UHRF2: variants seen among roughly 807,000 people sequenced by gnomAD.
UHRF2 encodes the protein ubiquitin like with PHD and ring finger domains 2, also known as E3 ubiquitin-protein ligase UHRF2.
A neutral mutation model predicts 96.8 loss-of-function variants in UHRF2; 23 were observed. That is an observed-to-expected ratio of 0.24 (90% CI 0.17 to 0.34). UHRF2 has a LOEUF of 0.34. Ranked by LOEUF, UHRF2 falls within the 10% of genes least tolerant of loss-of-function variation. The pLI is 1.00. For synonymous variants in UHRF2, 385 were observed against 332.6 expected, an observed-to-expected ratio of 1.16 and a Z score of -1.72; for missense variants, 685 against 981.5, an observed-to-expected ratio of 0.70 and a Z score of 4.04.
At chr9:6,468,737 G>T (rs1563781782) in intron 4 of UHRF2, 2 of 453,920 alleles carry the variant, frequency 4.4e-6, no homozygotes, top group Non-Finnish European at 8.9e-6. Context: ...AGTCTTAGAA[G>T]GCATACACTG....
chr9:6,437,458 C>T lies in UHRF2; in HGVS notation c.644+3285C>T, dbSNP rs367671582. On this transcript the variant is annotated intron_variant, in intron 3 of 15. Coordinates refer to ENST00000276893, the MANE Select transcript of UHRF2 (RefSeq NM_152896.3). ...GTGTTGGTCAGGCTGGTCTTGAACT[C>T]TGGACCTCAGGTGATCCACCTACCT... Among the ~76,000 whole-genome samples the T allele has an allele frequency of 7.8e-4, 118 of 152,198 alleles. 5 individuals carry two copies. In the South Asian group the frequency reaches 0.024, roughly 31 times the overall value.
At position 6,424,655 on chromosome 9, in the gene UHRF2, A is replaced by G. The variant is rs78892976; in HGVS notation, c.384+3513A>G. Among the ~76,000 whole-genome samples, 366 of 152,132 alleles carry G rather than the reference A, an allele frequency of 2.4e-3. 1 individual carries two copies. Among genetic ancestry groups the G allele is most frequent in the Middle Eastern group, 0.02 (6 of 294 alleles). ...TAGTGTGGTGTATTTGTTGAAATTA[A>G]TGACCCATATTTTCTTAGCTTTTAC... On this transcript the variant is annotated intron_variant, in intron 2 of 15. Coordinates refer to ENST00000276893, the MANE Select transcript of UHRF2 (RefSeq NM_152896.3).
At position 6,503,269 on chromosome 9, in the gene UHRF2, T is replaced by C. The variant is rs560174858; in HGVS notation, c.2164-1324T>C. 7.9e-4 allele frequency among the ~76,000 whole-genome samples: 121 copies of C among 152,366 alleles called. 2 individuals carry two copies. The South Asian group carries it at 0.025, about 32-fold the overall frequency. Reference sequence around the variant, plus strand: ...CCTCAGCCTCCCAGAGTACTGGGATTACATGTGTGAACCACCATGCTTGGC... The same window carrying C: ...CCTCAGCCTCCCAGAGTACTGGGATCACATGTGTGAACCACCATGCTTGGC... On this transcript the variant is annotated intron_variant, in intron 14 of 15. Coordinates refer to ENST00000276893, the MANE Select transcript of UHRF2 (RefSeq NM_152896.3).
intron 2 of UHRF2, among the ~76,000 whole-genome samples, chr9:6,425,509 C>A (rs541585911): frequency 5.9e-5 from 9 of 151,772 alleles, no homozygotes; most frequent in Non-Finnish European, 1.2e-4. Flanking sequence ...AATCCCAGCA[C>A]TTTGGGAGGC....
rs763144494 is a variant in UHRF2 at position 6,477,639 on chromosome 9, T to A, written c.991T>A (p.Cys331Ser). 1 of 1,612,160 alleles carries A rather than the reference T, an allele frequency of 6.2e-7. No individual in the cohort carries two copies. Among genetic ancestry groups the A allele is most frequent in the Non-Finnish European group, 8.5e-7 (1 of 1,179,138 alleles). The change falls in exon 6 of 16, where the codon TGT becomes AGT. Residue 331 changes from cysteine to serine, a missense_variant. Physicochemically the swap from Cys to Ser is moderately radical, Grantham distance 112. This residue lies in a region of UHRF2 where 391 missense variants were observed against 437.0 expected (regional missense o/e 0.89). Coordinates refer to ENST00000276893, the MANE Select transcript of UHRF2 (RefSeq NM_152896.3). ...GKFLRRNDPE[C>S]DLCGGDPEKK... The stretch of plus-strand genomic sequence containing the variant: ...CTTAATAGGGCGAAATGACCCTGAA[T>A]GTGACCTGTGTGGTGGAGACCCAGA...
intron 2 of UHRF2, among the ~76,000 whole-genome samples, chr9:6,427,319 C>T (rs1454541552): frequency 6.6e-6 from 1 of 152,092 alleles, no homozygotes; most frequent in Non-Finnish European, 1.5e-5. Flanking sequence ...TCATGATAAG[C>T]AGGTACAAAA....
intron 3 of UHRF2, chr9:6,434,374 T>A (rs1814966132): frequency 1.8e-6 from 1 of 559,812 alleles, no homozygotes; most frequent in African/African-American, 1.9e-5. Flanking sequence ...TTAAGTGGTT[T>A]ATTTTTTAGT....
chr9:6,426,999 C>G (rs974890655), intron 2 of UHRF2, among the ~76,000 whole-genome samples: 1 of 69,314 alleles, frequency 1.4e-5, no homozygotes, highest in Non-Finnish European at 4.1e-5. Flanking sequence ...TCACCTGCCT[C>G]GGCCTCCCAA....
intron 3 of UHRF2, among the ~76,000 whole-genome samples, chr9:6,435,870 A>C (rs1373762555): frequency 6.6e-6 from 1 of 152,176 alleles, no homozygotes; most frequent in Non-Finnish European, 1.5e-5. Context: ...TGGCCTCCCA[A>C]AATGCTGGGA....
At chr9:6,469,191 A>AT (rs1396822055) in intron 4 of UHRF2, among the ~76,000 whole-genome samples, 1 of 152,214 alleles carries the variant, frequency 6.6e-6, no homozygotes, top group Non-Finnish European at 1.5e-5. Flanking sequence ...AGAACTGAGA[A>AT]TTATAGTTTC....
chr9:6,488,133 C>T (rs1394355547), intron 9 of UHRF2, among the ~76,000 whole-genome samples: 3 of 151,314 alleles, frequency 2.0e-5, no homozygotes, highest in Middle Eastern at 3.4e-3. Flanking sequence ...GTCCCGGCTA[C>T]CCAGGAGGAT....
intron 11 of UHRF2, 62 bp downstream of exon 11, chr9:6,497,422 T>C: frequency 2.5e-6 from 4 of 1,580,192 alleles, no homozygotes; most frequent in Non-Finnish European, 3.5e-6. Flanking sequence ...GCAGGGTTGT[T>C]GCAAGGAACT....
intron 3 of UHRF2, among the ~76,000 whole-genome samples, chr9:6,437,499 C>A (rs1820921292): frequency 6.6e-6 from 1 of 152,178 alleles, no homozygotes; most frequent in Non-Finnish European, 1.5e-5. Context: ...TCCCAAAGTG[C>A]TGGGATTACA....
intron 4 of UHRF2, among the ~76,000 whole-genome samples, chr9:6,461,472 A>G (rs1430026997): frequency 6.7e-6 from 1 of 149,430 alleles, no homozygotes; most frequent in Non-Finnish European, 1.5e-5. Context: ...TCTTGGGTTC[A>G]TGCAGTTCTC....
chr9:6,471,153 C>T lies in UHRF2; in HGVS notation c.864-4238C>T, dbSNP rs1040573590. Among the ~76,000 whole-genome samples the T allele has an allele frequency of 9.7e-4, 147 of 152,182 alleles. 15 individuals carry two copies. The highest frequency in any genetic ancestry group is 2.9e-5 in the Non-Finnish European group (2 of 68,038). On this transcript the variant is annotated intron_variant, in intron 4 of 15. Coordinates refer to ENST00000276893, the MANE Select transcript of UHRF2 (RefSeq NM_152896.3). ...ATAGAGCAAAATATTACTAAATTAT[C>T]TAATTCACAAACTCATGGACAGCAT...
chr9:6,491,970 C>G (rs1442777076), intron 9 of UHRF2, among the ~76,000 whole-genome samples: 2 of 152,196 alleles, frequency 1.3e-5, no homozygotes, highest in African/African-American at 2.4e-5. Flanking sequence ...TGGGCTCAAG[C>G]AGGCCAACTG....
chr9:6,446,362 C>G (rs1005745546), intron 3 of UHRF2, among the ~76,000 whole-genome samples: 1 of 151,704 alleles, frequency 6.6e-6, no homozygotes, highest in African/African-American at 2.4e-5. Flanking sequence ...AGGCTGGTCT[C>G]GAACTCATGG....
chr9:6,464,902 T>G (rs1482290626), intron 4 of UHRF2, among the ~76,000 whole-genome samples: 1 of 152,192 alleles, frequency 6.6e-6, no homozygotes, highest in African/African-American at 2.4e-5. Flanking sequence ...CTTTTCTCTT[T>G]CTGGTATATA....
At chr9:6,491,330 C>T (rs1252507875) in intron 9 of UHRF2, among the ~76,000 whole-genome samples, 3 of 152,198 alleles carry the variant, frequency 2.0e-5, no homozygotes, top group Admixed American at 2.0e-4. Flanking sequence ...AGATTTATAG[C>T]ACTTAAAGGC....
Sources: allele counts gnomAD v4.1 joint callset (sites outside exome capture counted in the v4.1 genomes callset), GRCh38; gene constraint gnomAD v4.1.1; regional missense constraint gnomAD v4.1.1; transcripts MANE v1.5; gene names NCBI Gene and HGNC (gene_info 2026-07-23, HGNC 2026-07-21).